The following CYP7A1 variants were observed in gnomAD, a reference collection of about 807,000 sequenced individuals.
CYP7A1 encodes the protein cytochrome P450 family 7 subfamily A member 1.
A neutral mutation model predicts 43.8 loss-of-function variants in CYP7A1; 28 were observed. The observed-to-expected ratio is 0.64, with a 90% CI of 0.47 to 0.88. CYP7A1 has a LOEUF of 0.88. Ranked by LOEUF, CYP7A1 falls within the 40% of genes least tolerant of loss-of-function variation. The pLI, the probability that CYP7A1 is intolerant of heterozygous loss-of-function variation, is 0.00. For synonymous variants in CYP7A1, 227 were observed against 222.5 expected (o/e 1.02, Z -0.18); for missense variants, 637 against 611.9 (o/e 1.04, Z -0.43).
intron 4 of CYP7A1, among the ~76,000 whole-genome samples, chr8:58,494,184 A>G (rs549221142): frequency 6.6e-6 from 1 of 152,192 alleles, no homozygotes; most frequent in East Asian, 1.9e-4. Context: ...GCTTCCATTA[A>G]CCATCAGATT....
In CYP7A1 at chr8:58,500,052, C is replaced by G; in HGVS notation, c.47G>C (p.Cys16Ser). The G allele has an allele frequency of 2.5e-6, 4 of 1,612,948 alleles. No homozygotes were observed. The highest frequency in any genetic ancestry group is 2.5e-6 in the Non-Finnish European group (3 of 1,179,124). Residue 16 changes from cysteine to serine, a missense_variant, in exon 1 of 6, where the codon TGT becomes TCT. Coordinates refer to ENST00000301645, the MANE Select transcript of CYP7A1 (RefSeq NM_000780.4). ...LIWGIAIAACCCLWLILGIRR... is the reference protein window; with the variant it reads ...LIWGIAIAACSCLWLILGIRR... The stretch of plus-strand genomic sequence containing the variant: ...AATTCCAAGAATAAGCCATAGACAA[C>G]AGCATGCTGCTATAGCAATCCCCCA...
chr8:58,496,397 T>C (rs972817135), intron 3 of CYP7A1, among the ~76,000 whole-genome samples: 1 of 152,198 alleles, frequency 6.6e-6, no homozygotes, highest in Admixed American at 6.5e-5. Flanking sequence ...TCTTTGTTTC[T>C]ATAAAACACT....
At chr8:58,495,991 G>A (rs1346560360) in intron 3 of CYP7A1, among the ~76,000 whole-genome samples, 1 of 152,134 alleles carries the variant, frequency 6.6e-6, no homozygotes, top group Non-Finnish European at 1.5e-5. Flanking sequence ...ATCATGTTAT[G>A]TAAAACATAT....
rs778848131 is a variant in CYP7A1, at chr8:58,497,200, A to G, written c.322-10T>C. On this transcript the variant is annotated splice_polypyrimidine_tract_variant and intron_variant, in intron 2 of 5. Transcript: ENST00000301645. ...TTCTGTGCCCAAATGCCTGATAGCA[A>G]ATAAAACATGCAGAAAAAGAAGTTA... 6.3e-7 allele frequency: 1 copy of G among 1,593,712 alleles called. No individual in the cohort carries two copies. Among genetic ancestry groups the G allele is most frequent in the Non-Finnish European group, 8.5e-7 (1 of 1,174,460 alleles).
At position 58,497,210 on chromosome 8, in the gene CYP7A1, G is replaced by A. The variant is rs1387300821; in HGVS notation, c.322-20C>T. On this transcript the variant is annotated intron_variant, in intron 2 of 5. Coordinates refer to ENST00000301645, the MANE Select transcript of CYP7A1 (RefSeq NM_000780.4). Reference sequence around the variant, plus strand: ...AAATGCCTGATAGCAAATAAAACATGCAGAAAAAGAAGTTAAACCTGACCT... The same window carrying A: ...AAATGCCTGATAGCAAATAAAACATACAGAAAAAGAAGTTAAACCTGACCT... 6 of 1,585,086 alleles carry A rather than the reference G, an allele frequency of 3.8e-6. No individual in the cohort carries two copies. The highest frequency in any genetic ancestry group is 5.1e-6 in the Non-Finnish European group (6 of 1,166,982).
In CYP7A1 at chr8:58,497,124, T is replaced by C. The variant is rs771215892; in HGVS notation, c.388A>G (p.Ile130Val). Residue 130 changes from isoleucine (I) to valine (V), a missense_variant, in exon 3 of 6, where the codon ATC (isoleucine) becomes GTC (valine). By Grantham distance (29) the Ile-to-Val change is conservative (BLOSUM62 3). Transcript: ENST00000301645. ...AAGGCATGGCCCTGCAGGGTTTTGA[T>C]GAAAGTGTCGTTTATGTTTTCAGTG... ...NTTENINDTF[I>V]KTLQGHALNS... is the part of the protein sequence containing the mutation. 1.9e-6 allele frequency: 3 copies of C among 1,599,944 alleles called. No homozygotes were observed. The Admixed American group carries it at 5.0e-5, about 27-fold the overall frequency.
chr8:58,491,738 TC>T lies in CYP7A1; in HGVS notation c.1251del (p.Lys418ArgfsTer13), dbSNP rs760617117. 3 of 1,613,742 alleles carry T rather than the reference TC, an allele frequency of 1.9e-6. No homozygotes were observed. In the African/African-American group the frequency reaches 4.0e-5, roughly 22 times the overall value. On this transcript the variant is annotated frameshift_variant, in exon 6 of 6. Transcript: ENST00000301645. LOFTEE classifies it high-confidence loss of function. Reference sequence around the variant, plus strand: ...TTACAATAGAAGGTAGTCTTTGTCTTCCCGTTTTCATCAAGATACCTATCAT... The same window carrying T: ...TTACAATAGAAGGTAGTCTTTGTCTTCCGTTTTCATCAAGATACCTATCAT... ...FKYDRYLDEN[G>X]KTKTTFYCNG...
chr8:58,493,922 C>A (rs1314236962), intron 4 of CYP7A1, among the ~76,000 whole-genome samples: 1 of 152,092 alleles, frequency 6.6e-6, no homozygotes, highest in African/African-American at 2.4e-5. Context: ...ATGGCTTGAA[C>A]CCAGGAGGCA....
chr8:58,495,167 G>C (rs576779654), intron 3 of CYP7A1, among the ~76,000 whole-genome samples: 8 of 150,100 alleles, frequency 5.3e-5, no homozygotes, highest in Non-Finnish European at 1.2e-4. Flanking sequence ...TTAAAAAATG[G>C]GACTTTGCTA....
rs1809479868 is a variant in CYP7A1, at chr8:58,498,305, G to A, written c.245C>T (p.Pro82Leu). The change falls in exon 2 of 6, where the codon CCC (proline) becomes CTC (leucine). Residue 82 changes from proline (P) to leucine (L), a missense_variant. Physicochemically the swap from Pro to Leu is moderately conservative, Grantham distance 98 (BLOSUM62 -3). Transcript: ENST00000301645. Reference sequence around the variant, plus strand: ...GCACAACACCTTATGGTATGACAAGGGATTTGTGATGAAATGGACATATTT... The same window carrying A: ...GCACAACACCTTATGGTATGACAAGAGATTTGTGATGAAATGGACATATTT... ...MGKYVHFITN[P>L]LSYHKVLCHG... is the part of the protein sequence containing the mutation. 10 of 1,613,978 alleles carry A rather than the reference G, an allele frequency of 6.2e-6. No homozygotes were observed. Among genetic ancestry groups the A allele is most frequent in the Middle Eastern group, 1.6e-4 (1 of 6,084 alleles).
chr8:58,498,074 G>A (rs1039719808), intron 2 of CYP7A1, among the ~76,000 whole-genome samples, 155 bp downstream of exon 2: 3 of 152,250 alleles, frequency 2.0e-5, no homozygotes, highest in East Asian at 3.9e-4. Flanking sequence ...AAGAAGCTAC[G>A]TATAATTTAT....
Position 58,492,413 on chromosome 8 carries a change from G to A in CYP7A1, c.1155C>T (p.Asp385=). Reference sequence around the variant, plus strand: ...TTAACTGTGGGTAAAGAGCTATGATGTCATCTTTTCGGATGTTGTAGGAAC... The same window carrying A: ...TTAACTGTGGGTAAAGAGCTATGATATCATCTTTTCGGATGTTGTAGGAAC... ...EDGSYNIRKD[D]IIALYPQLMH... is the part of the protein sequence containing the mutation. The change falls in exon 5 of 6, where the codon GAC becomes GAT. Residue 385 remains aspartate (D), a synonymous_variant. Coordinates refer to ENST00000301645, the MANE Select transcript of CYP7A1 (RefSeq NM_000780.4). 6.2e-7 allele frequency: 1 copy of A among 1,614,046 alleles called. No homozygotes were observed. Among genetic ancestry groups the A allele is most frequent in the Non-Finnish European group, 8.5e-7 (1 of 1,179,912 alleles).
Position 58,494,500 on chromosome 8 carries a change from A to G in CYP7A1, c.1039+6T>C. 1 of 1,613,946 alleles carries G rather than the reference A, an allele frequency of 6.2e-7. No individual in the cohort carries two copies. Among genetic ancestry groups the G allele is most frequent in the Non-Finnish European group, 8.5e-7 (1 of 1,179,858 alleles). Reference sequence around the variant, plus strand: ...AAATGAAACTCAACATAACAAGTATACCCACCTAATACTGGCAGGTCATTC... The same window carrying G: ...AAATGAAACTCAACATAACAAGTATGCCCACCTAATACTGGCAGGTCATTC... On this transcript the variant is annotated splice_donor_region_variant and intron_variant, in intron 4 of 5. Coordinates refer to ENST00000301645, the MANE Select transcript of CYP7A1 (RefSeq NM_000780.4).
Position 58,491,681 on chromosome 8 carries a change from AGGG to A in CYP7A1, c.1306_1308del (p.Pro436del). 7 of 1,614,068 alleles carry A rather than the reference AGGG, an allele frequency of 4.3e-6. No homozygotes were observed. Among genetic ancestry groups the A allele is most frequent in the Non-Finnish European group, 5.9e-6 (7 of 1,179,912 alleles). On this transcript the variant is annotated inframe_deletion, in exon 6 of 6. Coordinates refer to ENST00000301645, the MANE Select transcript of CYP7A1 (RefSeq NM_000780.4). ...GGACATATTGTAGCTCCCGATCCAA[AGGG>A]CATGTAGTAATACTTTAACTTGAGT...
intron 4 of CYP7A1, 50 bp from the exon 5 acceptor site, chr8:58,492,578 G>T: frequency 7.1e-7 from 1 of 1,417,084 alleles, no homozygotes; most frequent in Non-Finnish European, 9.9e-7. Context: ...AGGAAGGGAG[G>T]AAGGAAGAGA....
In CYP7A1 at chr8:58,496,916, T is replaced by C. The variant is rs1391471723; in HGVS notation, c.596A>G (p.Lys199Arg). ...GTCAAGATTGTTTAGAATATGTGCT[T>C]TCTGTGTGTCCCGCCTTGTAAGATC... ...GRDLTRRDTQ[K>R]AHILNNLDNF... Residue 199 changes from lysine to arginine, a missense_variant, in exon 3 of 6, where the codon AAA becomes AGA. Lys to Arg is a conservative substitution (Grantham distance 26, BLOSUM62 2). Coordinates refer to ENST00000301645, the MANE Select transcript of CYP7A1 (RefSeq NM_000780.4). 1.2e-6 allele frequency: 2 copies of C among 1,614,234 alleles called. No individual in the cohort carries two copies. Among genetic ancestry groups the C allele is most frequent in the South Asian group, 2.2e-5 (2 of 91,090 alleles).
At chr8:58,498,983 G>A (rs542366892) in intron 1 of CYP7A1, among the ~76,000 whole-genome samples, 43 of 152,222 alleles carry the variant, frequency 2.8e-4, no homozygotes, top group African/African-American at 9.9e-4. Context: ...TATTCTATAA[G>A]GATGGTTTCA....
intron 4 of CYP7A1, 134 bp downstream of exon 4, chr8:58,494,372 G>C (rs1809405364): frequency 1.3e-5 from 12 of 943,872 alleles, no homozygotes; most frequent in Non-Finnish European, 2.0e-5. Flanking sequence ...ACAGTTGTGA[G>C]GATTAACCGA....
At chr8:58,498,600 G>T in intron 1 of CYP7A1, 131 bp from the exon 2 acceptor site, 3 of 913,800 alleles carry the variant, frequency 3.3e-6, no homozygotes, top group Admixed American at 1.9e-5. Flanking sequence ...TCTTTTGTTG[G>T]ATGGGCCCTG....
Sources: gnomAD v4.1 joint callset for allele counts (sites outside exome capture counted in the v4.1 genomes callset) on GRCh38, gnomAD v4.1.1 for gene constraint, MANE v1.5 for transcripts, NCBI Gene and HGNC (gene_info 2026-07-23, HGNC 2026-07-21) for gene names.